Variants in SETBP1 observed in about 807,000 individuals in gnomAD.
The protein encoded by SETBP1 is SET binding protein 1, also known as SET-binding protein.
In SETBP1, 9 loss-of-function variants were observed where a neutral mutation model predicts 101.0. The observed-to-expected ratio is 0.09, with a 90% CI of 0.05 to 0.16. SETBP1 has a LOEUF of 0.16. Among genes scored for constraint, SETBP1 ranks in the 10% least tolerant of loss-of-function variants. The pLI, the probability that SETBP1 is intolerant of heterozygous loss-of-function variation, is 1.00. For synonymous variants in SETBP1, 818 were observed against 788.5 expected (o/e 1.04, Z -0.63); for missense variants, 1,858 against 2,033.8 (o/e 0.91, Z 1.66).
chr18:45,028,864 T>A (rs1351710505), intron 4 of SETBP1, among the ~76,000 whole-genome samples: 1 of 152,196 alleles, frequency 6.6e-6, no homozygotes, highest in Non-Finnish European at 1.5e-5. Context: ...GGTTGTTTGT[T>A]TTTTTCTTGT....
intron 3 of SETBP1, among the ~76,000 whole-genome samples, chr18:44,923,528 C>A (rs1259936612): frequency 6.6e-6 from 1 of 152,148 alleles, no homozygotes; most frequent in Admixed American, 6.5e-5. Context: ...TTGTCCTATG[C>A]CAGCCATGTT....
At chr18:44,796,556 G>A (rs2071479756) in intron 2 of SETBP1, among the ~76,000 whole-genome samples, 1 of 152,212 alleles carries the variant, frequency 6.6e-6, no homozygotes, top group African/African-American at 2.4e-5. Flanking sequence ...TCCAACTGCA[G>A]CATGAGTTGA....
chr18:44,774,338 G>A (rs2070944905), intron 2 of SETBP1, among the ~76,000 whole-genome samples: 1 of 151,522 alleles, frequency 6.6e-6, no homozygotes, highest in African/African-American at 2.4e-5. Context: ...GTACCCTTCA[G>A]GAGAGAGTAT....
intron 2 of SETBP1, among the ~76,000 whole-genome samples, chr18:44,709,736 G>A (rs1385708287): frequency 6.6e-6 from 1 of 151,434 alleles, no homozygotes; most frequent in Non-Finnish European, 1.5e-5. Flanking sequence ...GTTGAATTAT[G>A]TTAGCTGGGG....
chr18:44,777,881 G>A (rs1002047421), intron 2 of SETBP1, among the ~76,000 whole-genome samples: 3 of 152,226 alleles, frequency 2.0e-5, no homozygotes, highest in African/African-American at 7.2e-5. Flanking sequence ...GATCAGAATG[G>A]CACTGATTAG....
chr18:44,757,253 T>G (rs2144567978), intron 2 of SETBP1, among the ~76,000 whole-genome samples: 1 of 152,308 alleles, frequency 6.6e-6, no homozygotes, highest in East Asian at 1.9e-4. Flanking sequence ...AAGATCAGTC[T>G]CTCTGATCAT....
intron 4 of SETBP1, among the ~76,000 whole-genome samples, chr18:45,005,945 CTTTTTTTTTTTT>C (rs1032603185): frequency 1.2e-4 from 12 of 103,156 alleles, no homozygotes; most frequent in African/African-American, 4.4e-4. Context: ...TGCACCCGGC[CTTTTTTTTTTTT>C]TTTTTTTTTT....
At chr18:44,732,412 A>T (rs1229867973) in intron 2 of SETBP1, among the ~76,000 whole-genome samples, 1 of 152,236 alleles carries the variant, frequency 6.6e-6, no homozygotes, top group Non-Finnish European at 1.5e-5. Context: ...GCAGACATCC[A>T]GTAAAGGAGG....
chr18:45,057,864 G>T (rs140427155), intron 5 of SETBP1, among the ~76,000 whole-genome samples: 6 of 152,304 alleles, frequency 3.9e-5, no homozygotes, highest in African/African-American at 1.4e-4. Flanking sequence ...ATATAACTAA[G>T]CCTTGTTAGC....
intron 2 of SETBP1, among the ~76,000 whole-genome samples, chr18:44,806,271 T>G (rs551463726): frequency 6.6e-6 from 1 of 152,334 alleles, no homozygotes; most frequent in Non-Finnish European, 1.5e-5. Context: ...ACTCTGTTTT[T>G]GGCTTTTCTT....
At chr18:44,933,668 C>G (rs542417511) in intron 3 of SETBP1, among the ~76,000 whole-genome samples, 2 of 152,312 alleles carry the variant, frequency 1.3e-5, no homozygotes, top group East Asian at 3.9e-4. Flanking sequence ...CCCTCCCCAG[C>G]CTTGCTGCAG....
At chr18:45,030,757 G>A (rs2073278750) in intron 4 of SETBP1, among the ~76,000 whole-genome samples, 1 of 149,222 alleles carries the variant, frequency 6.7e-6, no homozygotes, top group African/African-American at 2.5e-5. Flanking sequence ...TATGTGTCGA[G>A]GAATTTATCC....
At chr18:44,893,375 T>G (rs1256112031) in intron 3 of SETBP1, among the ~76,000 whole-genome samples, 1 of 152,200 alleles carries the variant, frequency 6.6e-6, no homozygotes, top group Non-Finnish European at 1.5e-5. Context: ...ATTTGAAAGA[T>G]GTGCAAATGG....
At chr18:44,812,645 C>T (rs187035915) in intron 2 of SETBP1, among the ~76,000 whole-genome samples, 1 of 152,192 alleles carries the variant, frequency 6.6e-6, no homozygotes, top group African/African-American at 2.4e-5. Context: ...CTGTGGACTC[C>T]AGGAGAGTTG....
intron 4 of SETBP1, among the ~76,000 whole-genome samples, chr18:45,007,403 C>T (rs975581926): frequency 6.6e-6 from 1 of 152,056 alleles, no homozygotes; most frequent in African/African-American, 2.4e-5. Flanking sequence ...AACAAAAGAT[C>T]TCCAGTAATG....
rs114726156 is a variant in SETBP1 at position 44,788,690 on chromosome 18, G to A, written c.487-80540G>A. Among the ~76,000 whole-genome samples the A allele has an allele frequency of 2.2e-3, 331 of 150,858 alleles. 4 individuals carry two copies. Among genetic ancestry groups the A allele is most frequent in the African/African-American group, 7.6e-3 (313 of 41,084 alleles). On this transcript the variant is annotated intron_variant, in intron 2 of 5. Transcript: ENST00000649279. ...AAGGCAAGCATGGAGTACTGTTTTA[G>A]TACTGTTTTAATTAGTAAAACTATC...
intron 2 of SETBP1, among the ~76,000 whole-genome samples, chr18:44,804,503 T>G (rs1379872226): frequency 1.3e-5 from 2 of 152,104 alleles, no homozygotes; most frequent in Non-Finnish European, 2.9e-5. Flanking sequence ...TCGAAAGTAA[T>G]CCTGTGGCTA....
intron 4 of SETBP1, among the ~76,000 whole-genome samples, chr18:45,028,563 C>G (rs966914237): frequency 6.6e-6 from 1 of 152,142 alleles, no homozygotes; most frequent in African/African-American, 2.4e-5. Context: ...ATTTCTAGTT[C>G]TAGATCCCCG....
chr18:44,973,679 A>G (rs1599396554), intron 4 of SETBP1, among the ~76,000 whole-genome samples: 1 of 152,224 alleles, frequency 6.6e-6, no homozygotes, highest in African/African-American at 2.4e-5. Flanking sequence ...AAGGCAGAGC[A>G]GCAGTGAGAA....
Sources: gnomAD v4.1 joint callset for allele counts (sites outside exome capture counted in the v4.1 genomes callset) on GRCh38, gnomAD v4.1.1 for gene constraint, MANE v1.5 for transcripts, NCBI Gene and HGNC (gene_info 2026-07-23, HGNC 2026-07-21) for gene names.